Variants in AKAP6 observed in about 807,000 individuals in gnomAD.
AKAP6 encodes A-kinase anchor protein 6.
A neutral mutation model predicts 188.5 loss-of-function variants in AKAP6; 58 were observed. The ratio of observed to expected loss-of-function variants is 0.31; its 90% CI spans 0.25 to 0.38. The LOEUF (loss-of-function observed/expected upper bound fraction) is 0.38, where lower values mean the gene tolerates loss of function less well. AKAP6 is among the 10% of genes least tolerant of loss of function. The pLI is 1.00. For missense variants in AKAP6, 2,710 were observed against 2,740.0 expected, an observed-to-expected ratio of 0.99 and a Z score of 0.24; for synonymous variants, 989 against 998.6, an observed-to-expected ratio of 0.99 and a Z score of 0.18.
chr14:32,549,684 G>A (rs1429854398), intron 4 of AKAP6, among the ~76,000 whole-genome samples: 3 of 152,150 alleles, frequency 2.0e-5, no homozygotes, highest in South Asian at 2.1e-4. Flanking sequence ...AGTATTTTAC[G>A]TGGCTTACCC....
intron 2 of AKAP6, among the ~76,000 whole-genome samples, chr14:32,473,336 T>C (rs1279831981): frequency 6.6e-6 from 1 of 152,140 alleles, no homozygotes; most frequent in African/African-American, 2.4e-5. Flanking sequence ...ATACAACAGG[T>C]AATAATAGAA....
At chr14:32,378,411 C>G (rs1888229227) in intron 1 of AKAP6, among the ~76,000 whole-genome samples, 1 of 152,188 alleles carries the variant, frequency 6.6e-6, no homozygotes, top group Non-Finnish European at 1.5e-5. Flanking sequence ...TCCATCCCTT[C>G]CCCCATGAAA....
intron 1 of AKAP6, among the ~76,000 whole-genome samples, chr14:32,378,933 TTTGA>T (rs1888249167): frequency 6.6e-6 from 1 of 150,530 alleles, no homozygotes; most frequent in South Asian, 2.1e-4. Flanking sequence ...TTTTTTTTTT[TTTGA>T]GACCGAATTT....
rs554030250 is a variant in AKAP6, at chr14:32,443,412, A to C, written c.324+9595A>C. Among the ~76,000 whole-genome samples, 270 of 151,664 alleles carry C rather than the reference A, an allele frequency of 1.8e-3. 2 individuals are homozygous for C. Among genetic ancestry groups the C allele is most frequent in the African/African-American group, 6.0e-3 (247 of 41,314 alleles). ...CATCTCAAAACAAAACAAAACAAAAAAAAAACAAAAAAACAAAAAAACCCC... is the reference window on the plus strand; with the variant it reads ...CATCTCAAAACAAAACAAAACAAAACAAAAACAAAAAAACAAAAAAACCCC... On this transcript the variant is annotated intron_variant, in intron 2 of 13. Transcript: ENST00000280979.
In AKAP6 at chr14:32,623,142, G is replaced by A. The variant is rs193082725; in HGVS notation, c.2730+22350G>A. Reference sequence around the variant, plus strand: ...TCAGTTTGTGACTTCCTACTTTTAAGCTCCAGCATTAAACCCTAAGGTGAT... The same window carrying A: ...TCAGTTTGTGACTTCCTACTTTTAAACTCCAGCATTAAACCCTAAGGTGAT... On this transcript the variant is annotated intron_variant, in intron 7 of 13. Transcript: ENST00000280979. Among the ~76,000 whole-genome samples the A allele has an allele frequency of 6.6e-5, 10 of 152,238 alleles. No individual in the cohort carries two copies. The South Asian group carries it at 1.9e-3, about 28-fold the overall frequency.
chr14:32,772,683 A>G lies in AKAP6; in HGVS notation c.3373-995A>G, dbSNP rs150634553. Among the ~76,000 whole-genome samples the G allele has an allele frequency of 5.8e-4, 89 of 152,326 alleles. 1 individual carries two copies. The East Asian group carries it at 0.017, about 28-fold the overall frequency. On this transcript the variant is annotated intron_variant, in intron 11 of 13. Transcript: ENST00000280979. ...CTAATGAAGCCTTATCTAGATTAAC[A>G]TTTTAAGCACAAATACTTTCAGGCA...
chr14:32,529,714 C>T (rs1015196675), intron 2 of AKAP6, among the ~76,000 whole-genome samples: 15 of 152,138 alleles, frequency 9.9e-5, no homozygotes, highest in African/African-American at 3.6e-4. Flanking sequence ...ATAGGGAAAT[C>T]TATCACTCTG....
At position 32,798,155 on chromosome 14, in the gene AKAP6, A is replaced by G. The variant is rs574607122; in HGVS notation, c.3589-23247A>G. On this transcript the variant is annotated intron_variant, in intron 12 of 13. Transcript: ENST00000280979. The stretch of plus-strand genomic sequence containing the variant: ...AACATATGAAAAAGTGTTCAATATC[A>G]TTAATCATTAGAGAAATGCAAATCA... Among the ~76,000 whole-genome samples the G allele has an allele frequency of 4.0e-5, 6 of 151,460 alleles. No homozygotes were observed. In the South Asian group the frequency reaches 6.3e-4, roughly 16 times the overall value.
intron 2 of AKAP6, among the ~76,000 whole-genome samples, chr14:32,516,552 G>C (rs963252895): frequency 2.0e-5 from 3 of 152,112 alleles, no homozygotes; most frequent in African/African-American, 7.2e-5. Flanking sequence ...ACTAGTAGTA[G>C]TATTAAGATA....
intron 8 of AKAP6, among the ~76,000 whole-genome samples, chr14:32,678,688 T>C (rs1223481930): frequency 6.6e-6 from 1 of 152,230 alleles, no homozygotes; most frequent in Non-Finnish European, 1.5e-5. Context: ...ATTTTTAAAA[T>C]ACAGCGTTGT....
intron 11 of AKAP6, among the ~76,000 whole-genome samples, chr14:32,736,091 G>A (rs2031409032): frequency 6.6e-6 from 1 of 152,070 alleles, no homozygotes; most frequent in African/African-American, 2.4e-5. Flanking sequence ...CATTGTAGAG[G>A]GGAAATCTCT....
chr14:32,362,879 C>T (rs569167721), intron 1 of AKAP6, among the ~76,000 whole-genome samples: 1 of 152,016 alleles, frequency 6.6e-6, no homozygotes, highest in East Asian at 1.9e-4. Flanking sequence ...TCAGGTGAGA[C>T]AAGACAAGGG....
intron 7 of AKAP6, among the ~76,000 whole-genome samples, chr14:32,635,389 A>G (rs549943889): frequency 6.6e-6 from 1 of 152,210 alleles, no homozygotes; most frequent in East Asian, 1.9e-4. Context: ...CTCCATATGG[A>G]TATTTTATTG....
At chr14:32,678,166 T>C (rs143894692) in intron 7 of AKAP6, 145 bp from the exon 8 acceptor site, 3 of 715,130 alleles carry the variant, frequency 4.2e-6, no homozygotes, top group Admixed American at 6.4e-5. Context: ...AATTCTGTAA[T>C]ATGCCCAACT....
chr14:32,817,470 T>A (rs1234812508), intron 12 of AKAP6, among the ~76,000 whole-genome samples: 14 of 129,102 alleles, frequency 1.1e-4, no homozygotes, highest in African/African-American at 4.0e-4. Flanking sequence ...TGTGTGTGTG[T>A]GTGTGTGTGT....
At chr14:32,394,513 G>A (rs1484185415) in intron 1 of AKAP6, among the ~76,000 whole-genome samples, 3 of 152,146 alleles carry the variant, frequency 2.0e-5, no homozygotes, top group African/African-American at 4.8e-5. Context: ...TGGGGATGCC[G>A]ATGCACGTGA....
At chr14:32,369,564 G>A (rs1887943753) in intron 1 of AKAP6, among the ~76,000 whole-genome samples, 1 of 152,196 alleles carries the variant, frequency 6.6e-6, no homozygotes. Flanking sequence ...CTGGGTCACT[G>A]TTTTCTTCCA....
At chr14:32,783,582 A>T (rs1037463577) in intron 12 of AKAP6, among the ~76,000 whole-genome samples, 1 of 152,180 alleles carries the variant, frequency 6.6e-6, no homozygotes, top group Non-Finnish European at 1.5e-5. Context: ...TTGTCTTGGT[A>T]TAAGTAAATG....
chr14:32,667,086 T>C (rs1359087574), intron 7 of AKAP6, among the ~76,000 whole-genome samples: 1 of 152,138 alleles, frequency 6.6e-6, no homozygotes, highest in East Asian at 1.9e-4. Context: ...GCAGCTTCTA[T>C]AAAAGCTCTT....
Sources: gnomAD v4.1 joint callset for allele counts (sites outside exome capture counted in the v4.1 genomes callset) on GRCh38, gnomAD v4.1.1 for gene constraint, MANE v1.5 for transcripts, NCBI Gene and HGNC (gene_info 2026-07-23, HGNC 2026-07-21) for gene names.